Variants in FRMD5 observed in about 807,000 individuals in gnomAD.
FRMD5 encodes FERM domain containing 5, also known as FERM domain-containing protein 5.
Under a neutral mutation model 69.0 loss-of-function variants are expected in FRMD5, and 20 were observed. The ratio of observed to expected loss-of-function variants is 0.29; its 90% confidence interval spans 0.20 to 0.42. The LOEUF (loss-of-function observed/expected upper bound fraction) is 0.42, where lower values mean the gene tolerates loss of function less well. Among genes scored for constraint, FRMD5 ranks in the 10% least tolerant of loss-of-function variants. FRMD5 has a pLI of 1.00. For synonymous variants in FRMD5, 271 were observed against 260.1 expected (o/e 1.04, Z -0.40); for missense variants, 595 against 708.6 (o/e 0.84, Z 1.82).
chr15:44,082,199 A>G (rs957578363), intron 1 of FRMD5, among the ~76,000 whole-genome samples: 2 of 152,014 alleles, frequency 1.3e-5, no homozygotes, highest in African/African-American at 4.8e-5. Flanking sequence ...ACTAGCTCAT[A>G]TCGGAACACA....
intron 1 of FRMD5, among the ~76,000 whole-genome samples, chr15:44,094,046 T>C (rs1371569173): frequency 6.6e-6 from 1 of 152,134 alleles, no homozygotes; most frequent in Admixed American, 6.6e-5. Context: ...CAGAAACATA[T>C]GGACTCTGGC....
intron 1 of FRMD5, among the ~76,000 whole-genome samples, chr15:44,180,747 T>G (rs1304884706): frequency 6.6e-6 from 1 of 152,174 alleles, no homozygotes. Context: ...ATCCTGCTAC[T>G]GCACTCCAGC....
intron 1 of FRMD5, among the ~76,000 whole-genome samples, chr15:43,988,470 T>C (rs1478160183): frequency 7.0e-6 from 1 of 143,736 alleles, no homozygotes; most frequent in Non-Finnish European, 1.5e-5. Context: ...ACATAAGTGT[T>C]TTTTTTATAA....
chr15:44,089,579 T>A (rs995019061), intron 1 of FRMD5, among the ~76,000 whole-genome samples: 2 of 152,048 alleles, frequency 1.3e-5, no homozygotes, highest in Non-Finnish European at 2.9e-5. Context: ...GGCATGCACC[T>A]GTAGTCCCAG....
chr15:43,990,224 G>A (rs1016704428), intron 1 of FRMD5: 16 of 429,958 alleles, frequency 3.7e-5, no homozygotes, highest in Admixed American at 9.7e-5. Context: ...GCAGAGAGGC[G>A]AGGGCAAGGC....
At chr15:43,971,419 C>T (rs2090375482) in intron 1 of FRMD5, among the ~76,000 whole-genome samples, 1 of 151,542 alleles carries the variant, frequency 6.6e-6, no homozygotes, top group Non-Finnish European at 1.5e-5. Context: ...AAATTTCTGC[C>T]TGGTGCGGTG....
intron 1 of FRMD5, among the ~76,000 whole-genome samples, chr15:44,083,704 C>A (rs1178338709): frequency 6.6e-6 from 1 of 151,888 alleles, no homozygotes; most frequent in East Asian, 1.9e-4. Flanking sequence ...TGGAATAAAA[C>A]GGGACACATG....
intron 1 of FRMD5, among the ~76,000 whole-genome samples, chr15:44,002,936 C>G (rs1890278035): frequency 6.6e-6 from 1 of 152,108 alleles, no homozygotes; most frequent in African/African-American, 2.4e-5. Flanking sequence ...GACCTACCTC[C>G]TATTATCCTC....
At position 44,025,330 on chromosome 15, in the gene FRMD5, T is replaced by C. The variant is rs555390487; in HGVS notation, c.103-101021A>G. Reference sequence around the variant, plus strand: ...TAAGAGAGAGTGAATGGAGGCTTCATAGAGGAAATGCCATTTAAATGGACA... The same window carrying C: ...TAAGAGAGAGTGAATGGAGGCTTCACAGAGGAAATGCCATTTAAATGGACA... On this transcript the variant is annotated intron_variant, in intron 1 of 13. Coordinates refer to ENST00000417257, the MANE Select transcript of FRMD5 (RefSeq NM_032892.5). Among the ~76,000 whole-genome samples the C allele has an allele frequency of 4.6e-5, 7 of 152,242 alleles. 1 individual carries two copies. Among genetic ancestry groups the C allele is most frequent in the Admixed American group, 1.3e-4 (2 of 15,286 alleles).
chr15:44,170,512 G>A (rs2077783108), intron 1 of FRMD5, among the ~76,000 whole-genome samples: 3 of 150,194 alleles, frequency 2.0e-5, no homozygotes, highest in African/African-American at 7.3e-5. Flanking sequence ...AACAGAGTGA[G>A]ACTTCATATC....
chr15:44,093,471 G>T (rs1282188855), intron 1 of FRMD5, among the ~76,000 whole-genome samples: 1 of 152,096 alleles, frequency 6.6e-6, no homozygotes, highest in Non-Finnish European at 1.5e-5. Context: ...CTTGAATGAG[G>T]CTAGTCAGGT....
rs563390868 is a variant in FRMD5, at chr15:44,178,931, G to T, written c.102+16022C>A. ...CGCTTGAACCCAGAAGGCAGAGGTTGCAGTGAGCCAAGATTGCACCACTGT... is the reference window on the plus strand; with the variant it reads ...CGCTTGAACCCAGAAGGCAGAGGTTTCAGTGAGCCAAGATTGCACCACTGT... On this transcript the variant is annotated intron_variant, in intron 1 of 13. Coordinates refer to ENST00000417257, the MANE Select transcript of FRMD5 (RefSeq NM_032892.5). 2.0e-5 allele frequency among the ~76,000 whole-genome samples: 3 copies of T among 152,238 alleles called. No homozygotes were observed. In the South Asian group the frequency reaches 6.2e-4, roughly 32 times the overall value.
At chr15:44,059,008 T>C (rs1892984229) in intron 1 of FRMD5, among the ~76,000 whole-genome samples, 1 of 152,168 alleles carries the variant, frequency 6.6e-6, no homozygotes, top group African/African-American at 2.4e-5. Flanking sequence ...AGCCAGGATC[T>C]TTGAGGACAA....
chr15:44,106,031 T>C (rs962952141), intron 1 of FRMD5, among the ~76,000 whole-genome samples: 8 of 152,200 alleles, frequency 5.3e-5, no homozygotes, highest in Non-Finnish European at 8.8e-5. Flanking sequence ...ATGTAAATGG[T>C]TGTTTAACTG....
At chr15:43,920,805 C>A (rs1433030706) in intron 2 of FRMD5, among the ~76,000 whole-genome samples, 1 of 152,164 alleles carries the variant, frequency 6.6e-6, no homozygotes, top group Non-Finnish European at 1.5e-5. Flanking sequence ...TGGGCCCATA[C>A]TTCCTTCTTT....
chr15:43,989,434 CG>C, intron 1 of FRMD5: 1 of 791,862 alleles, frequency 1.3e-6, no homozygotes. Flanking sequence ...CTGCTTTTGC[CG>C]ATGATGATGA....
chr15:43,967,879 C>T (rs1476935485), intron 1 of FRMD5, among the ~76,000 whole-genome samples: 4 of 151,950 alleles, frequency 2.6e-5, no homozygotes, highest in Non-Finnish European at 4.4e-5. Flanking sequence ...TTAAGCCCCA[C>T]ATGTATTAGG....
At chr15:43,875,743 C>G in intron 13 of FRMD5, 1 of 558,544 alleles carries the variant, frequency 1.8e-6, no homozygotes, top group Non-Finnish European at 3.1e-6. Context: ...TGTGAGCCAC[C>G]GCACCCAGCC....
At chr15:44,184,845 T>G (rs2140580932) in intron 1 of FRMD5, among the ~76,000 whole-genome samples, 1 of 152,330 alleles carries the variant, frequency 6.6e-6, no homozygotes, top group Non-Finnish European at 1.5e-5. Context: ...AAATCATTAG[T>G]AAAAATAGTC....
Sources: gnomAD v4.1 joint callset for allele counts (sites outside exome capture counted in the v4.1 genomes callset) on GRCh38, gnomAD v4.1.1 for gene constraint, MANE v1.5 for transcripts, NCBI Gene and HGNC (gene_info 2026-07-23, HGNC 2026-07-21) for gene names.